The following NAGA variants were observed in gnomAD, a reference collection of about 807,000 sequenced individuals.
NAGA encodes the protein Acetylgalactosaminidase, alpha-N- (alpha-galactosidase B).
A neutral mutation model predicts 45.6 loss-of-function variants in NAGA; 42 were observed. That is an observed-to-expected ratio of 0.92 (90% CI 0.72 to 1.19). NAGA has a LOEUF of 1.19. Among genes scored for constraint, NAGA ranks in the 50% most tolerant of loss-of-function variants. The probability of loss-of-function intolerance (pLI) is 0.00; values close to 1 mark genes in which losing one functional copy is unlikely to be tolerated. For synonymous variants in NAGA, 176 were observed against 203.1 expected (o/e 0.87, Z 1.13); for missense variants, 493 against 544.8 (o/e 0.90, Z 0.95).
At chr22:42,060,525 G>C in intron 8 of NAGA, 112 bp from the exon 9 acceptor site, 6 of 1,463,094 alleles carry the variant, frequency 4.1e-6, no homozygotes, top group Non-Finnish European at 5.7e-6. Context: ...TCTGTGCTGG[G>C]CTTCCAGTAT....
rs133368 is a variant in NAGA at position 42,067,685 on chromosome 22, T to C, written c.324+80A>G. ...CCACTAGACTGTGAGATCTCAATCA[T>C]GTAAGTGAGCCCTAAGCGAGGTAGG... is the stretch of plus-strand genomic sequence containing the variant. On this transcript the variant is annotated intron_variant, in intron 3 of 8. Transcript: ENST00000396398. The C allele has an allele frequency of 0.67, 835,249 of 1,253,636 alleles. 281,099 individuals carry two copies. Among genetic ancestry groups the C allele is most frequent in the East Asian group, 0.85 (35,446 of 41,852 alleles). 77.7% of individuals were successfully genotyped at this position (1,253,636 alleles called of 1,614,324 possible). A position where few individuals can be genotyped will look rare whatever the true frequency, so the allele number is the denominator to read the frequency against.
chr22:42,063,042 GAGT>G lies in NAGA; in HGVS notation c.760-21_760-19del. The G allele has an allele frequency of 6.2e-7, 1 of 1,611,962 alleles. No homozygotes were observed. Among genetic ancestry groups the G allele is most frequent in the South Asian group, 1.1e-5 (1 of 90,866 alleles). On this transcript the variant is annotated intron_variant, in intron 6 of 8. Coordinates refer to ENST00000396398, the MANE Select transcript of NAGA (RefSeq NM_000262.3). ...ATGAGCAGCTGGGGGCAGAGAAGAG[GAGT>G]AGTCAGCTCTCATCTCCTCAAGGAG...
At chr22:42,068,412 C>T (rs538317083) in intron 2 of NAGA, 27 bp downstream of exon 2, 5 of 1,614,106 alleles carry the variant, frequency 3.1e-6, no homozygotes, top group East Asian at 2.2e-5. Flanking sequence ...GGGCAAGGCT[C>T]ATCAGGTGAG....
intron 1 of NAGA, among the ~76,000 whole-genome samples, chr22:42,069,579 T>C (rs1351511018): frequency 7.1e-6 from 1 of 140,632 alleles, no homozygotes; most frequent in Admixed American, 7.4e-5. Flanking sequence ...CGCGCCACTC[T>C]ACTCCACTCC....
At position 42,066,769 on chromosome 22, in the gene NAGA, C is replaced by T. The variant is rs1405807371; in HGVS notation, c.538G>A (p.Gly180Ser). 2 of 1,607,006 alleles carry T rather than the reference C, an allele frequency of 1.2e-6. No homozygotes were observed. The highest frequency in any genetic ancestry group is 1.7e-6 in the Non-Finnish European group (2 of 1,177,128). The change falls in exon 5 of 9, where the codon GGC becomes AGC. Residue 180 changes from glycine (G) to serine (S), a missense_variant. Physicochemically the swap from Gly to Ser is moderately conservative, Grantham distance 56 (BLOSUM62 0). Transcript: ENST00000396398. ...PKMAAALNATGRPIAFSCSWP... is the reference protein window; with the variant it reads ...PKMAAALNATSRPIAFSCSWP... The stretch of plus-strand genomic sequence containing the variant: ...CTGCAGGAGAAGGCGATGGGGCGGC[C>T]TGTGGCATTCAGGGCAGCAGCCATC...
rs1926275579 is a variant in NAGA at position 42,060,165 on chromosome 22, C to T, written c.*114G>A. The stretch of plus-strand genomic sequence containing the variant: ...GATTGCACTTTGGGTATGATGGGGT[C>T]AGTCACCGAGCAGGCCTGGGGAGCA... On this transcript the variant is annotated 3_prime_UTR_variant, in exon 9 of 9. Transcript: ENST00000396398. The T allele has an allele frequency of 2.2e-6, 3 of 1,373,328 alleles. No individual in the cohort carries two copies. Among genetic ancestry groups the T allele is most frequent in the Non-Finnish European group, 2.0e-6 (2 of 975,908 alleles). 85.1% of individuals were successfully genotyped at this position (1,373,328 alleles called of 1,614,324 possible). A position where few individuals can be genotyped will look rare whatever the true frequency, so the allele number is the denominator to read the frequency against.
chr22:42,068,620 C>T (rs764141322), intron 1 of NAGA, 46 bp from the exon 2 acceptor site: 2 of 1,610,552 alleles, frequency 1.2e-6, no homozygotes, highest in East Asian at 2.2e-5. Context: ...GTTGCCCCCA[C>T]AGCTCCAGCC....
chr22:42,067,952 G>A lies in NAGA; in HGVS notation c.153-16C>T, dbSNP rs776152931. 4.3e-6 allele frequency: 7 copies of A among 1,612,844 alleles called. No homozygotes were observed. The highest frequency in any genetic ancestry group is 1.7e-5 in the Admixed American group (1 of 60,026). The stretch of plus-strand genomic sequence containing the variant: ...GAGCTGTTCACTAGTGAGGGGCAGA[G>A]GGATGGGGTAGCTCAGGGACCCAGC... On this transcript the variant is annotated splice_polypyrimidine_tract_variant and intron_variant, in intron 2 of 8. Transcript: ENST00000396398.
rs1270853538 is a variant in NAGA, at chr22:42,070,342, G to C, written c.-45C>G. ...GAGGACCTGACCAGATCTGGTCTGC[G>C]TGTATCAGCTGTATGTGTTGGGCTC... On this transcript the variant is annotated 5_prime_UTR_variant, in exon 1 of 9. Coordinates refer to ENST00000396398, the MANE Select transcript of NAGA (RefSeq NM_000262.3). 1 of 1,612,374 alleles carries C rather than the reference G, an allele frequency of 6.2e-7. No homozygotes were observed. The highest frequency in any genetic ancestry group is 1.1e-5 in the South Asian group (1 of 91,034).
chr22:42,060,777 TCAGTGCCTG>T, intron 8 of NAGA, 138 bp downstream of exon 8: 1 of 1,095,186 alleles, frequency 9.1e-7, no homozygotes, highest in Non-Finnish European at 1.4e-6. Context: ...GCTGCAGCTC[TCAGTGCCTG>T]CAGCTCCCCA....
intron 1 of NAGA, among the ~76,000 whole-genome samples, chr22:42,068,930 C>T (rs1368961853): frequency 3.3e-5 from 5 of 152,000 alleles, no homozygotes; most frequent in Middle Eastern, 3.2e-3. Flanking sequence ...AGGCCTACCA[C>T]GGAACTACGT....
chr22:42,064,985 C>T (rs1313283587), intron 6 of NAGA, among the ~76,000 whole-genome samples: 1 of 152,212 alleles, frequency 6.6e-6, no homozygotes, highest in Non-Finnish European at 1.5e-5. Flanking sequence ...CTGTGCCAAG[C>T]ATTTCAGAGT....
intron 6 of NAGA, 30 bp from the exon 7 acceptor site, chr22:42,063,054 C>A: frequency 6.2e-7 from 1 of 1,603,274 alleles, no homozygotes; most frequent in East Asian, 2.2e-5. Flanking sequence ...GTAGTCAGCT[C>A]TCATCTCCTC....
Position 42,070,274 on chromosome 22 carries a change from G to A in NAGA, c.16+8C>T. 6.2e-7 allele frequency: 1 copy of A among 1,614,214 alleles called. No homozygotes were observed. The highest frequency in any genetic ancestry group is 2.2e-5 in the East Asian group (1 of 44,884). On this transcript the variant is annotated splice_region_variant and intron_variant, in intron 1 of 8. Coordinates refer to ENST00000396398, the MANE Select transcript of NAGA (RefSeq NM_000262.3). Reference sequence around the variant, plus strand: ...ACCCTTCCAAGCCACCCCAGCCGGTGTAGGTACCTGTCTTCAGCAGCATCG... The same window carrying A: ...ACCCTTCCAAGCCACCCCAGCCGGTATAGGTACCTGTCTTCAGCAGCATCG...
intron 3 of NAGA, among the ~76,000 whole-genome samples, chr22:42,067,534 C>G (rs1333125188): frequency 6.6e-6 from 1 of 152,256 alleles, no homozygotes; most frequent in Non-Finnish European, 1.5e-5. Context: ...TGCCATCTCT[C>G]TGGGCTCAGC....
In NAGA at chr22:42,070,484, A is replaced by G; in HGVS notation, c.-187T>C. Reference sequence around the variant, plus strand: ...TCCCCAAGTTGCCCGCCCCATCCCCAGCCATCACTTCCCGGAGCTTCAGTT... The same window carrying G: ...TCCCCAAGTTGCCCGCCCCATCCCCGGCCATCACTTCCCGGAGCTTCAGTT... On this transcript the variant is annotated 5_prime_UTR_variant, in exon 1 of 9. Transcript: ENST00000396398. The G allele has an allele frequency of 1.4e-6, 1 of 697,636 alleles. No individual in the cohort carries two copies. The highest frequency in any genetic ancestry group is 2.6e-6 in the Non-Finnish European group (1 of 381,828). 43.2% of individuals were successfully genotyped at this position (697,636 alleles called of 1,614,324 possible). A position where few individuals can be genotyped will look rare whatever the true frequency, so the allele number is the denominator to read the frequency against.
intron 2 of NAGA, 139 bp from the exon 3 acceptor site, chr22:42,068,075 C>A: frequency 2.3e-6 from 2 of 870,432 alleles, no homozygotes; most frequent in Non-Finnish European, 3.8e-6. Flanking sequence ...TGTAAATGAC[C>A]ACCAGAGATT....
At chr22:42,063,746 C>A (rs1339493029) in intron 6 of NAGA, among the ~76,000 whole-genome samples, 1 of 152,234 alleles carries the variant, frequency 6.6e-6, no homozygotes, top group African/African-American at 2.4e-5. Flanking sequence ...TGCCGACACT[C>A]CCAGCCGAAT....
chr22:42,067,104 G>T lies in NAGA; in HGVS notation c.502+9C>A, dbSNP rs768462917. ...TTGCCTACGTGCCCCAGCCAGCTGCGTAACTCACCCTGGGCCCGCTCCTCG... is the reference window on the plus strand; with the variant it reads ...TTGCCTACGTGCCCCAGCCAGCTGCTTAACTCACCCTGGGCCCGCTCCTCG... On this transcript the variant is annotated intron_variant, in intron 4 of 8. Transcript: ENST00000396398. 1 of 1,613,596 alleles carries T rather than the reference G, an allele frequency of 6.2e-7. No individual in the cohort carries two copies. Among genetic ancestry groups the T allele is most frequent in the South Asian group, 1.1e-5 (1 of 91,070 alleles).
Sources: allele counts gnomAD v4.1 joint callset (sites outside exome capture counted in the v4.1 genomes callset), GRCh38; gene constraint gnomAD v4.1.1; transcripts MANE v1.5; gene names NCBI Gene and HGNC (gene_info 2026-07-23, HGNC 2026-07-21).